AHNAK: variants seen among roughly 807,000 people sequenced by gnomAD.
AHNAK encodes the protein AHNAK nucleoprotein, also known as neuroblast differentiation-associated protein AHNAK.
A neutral mutation model predicts 37.8 loss-of-function variants in AHNAK; 23 were observed. That is an observed-to-expected ratio of 0.61 (90% CI 0.44 to 0.86). The LOEUF (loss-of-function observed/expected upper bound fraction) is 0.86, where lower values mean the gene tolerates loss of function less well. Ranked by LOEUF, AHNAK falls within the 40% of genes least tolerant of loss-of-function variation. The probability of loss-of-function intolerance (pLI) is 0.00; values close to 1 mark genes in which losing one functional copy is unlikely to be tolerated. For synonymous variants in AHNAK, 2,481 were observed against 2,636.3 expected (o/e 0.94, Z 1.80); for missense variants, 7,411 against 7,319.4 (o/e 1.01, Z -0.46).
At position 62,519,748 on chromosome 11, in the gene AHNAK, A is replaced by G. The variant is rs1412345804; in HGVS notation, c.14669T>C (p.Leu4890Pro). 1 of 1,613,214 alleles carries G rather than the reference A, an allele frequency of 6.2e-7. No homozygotes were observed. Among genetic ancestry groups the G allele is most frequent in the Admixed American group, 1.7e-5 (1 of 59,836 alleles). ...TTTGGCATCAGGGCCTTCGAAATCC[A>G]GACGTGGACCTTTAAGATCTACTTC... is the stretch of plus-strand genomic sequence containing the variant. ...GPEVDLKGPR[L>P]DFEGPDAKLS... The change falls in exon 5 of 5, where the codon CTG becomes CCG. Residue 4890 changes from leucine (L) to proline (P), a missense_variant. Transcript: ENST00000378024.
At position 62,455,358 on chromosome 11, in the gene AHNAK, G is replaced by A. The variant is rs563143929; in HGVS notation, c.443-21467C>T. On this transcript the variant is annotated intron_variant, in intron 5 of 5. Transcript: ENST00000257247. ...CATGAAGGCTGGGCTGACTGGCAGC[G>A]CAGTGCTGGCTCCCCCATTTTGCCT... Among the ~76,000 whole-genome samples, 36 of 152,188 alleles carry A rather than the reference G, an allele frequency of 2.4e-4. No individual in the cohort carries two copies. In the South Asian group the frequency reaches 4.4e-3, roughly 18 times the overall value.
intron 5 of AHNAK, among the ~76,000 whole-genome samples, chr11:62,445,774 T>C (rs889223210): frequency 6.7e-6 from 1 of 148,214 alleles, no homozygotes; most frequent in Admixed American, 6.8e-5. Context: ...TCCAGCACTT[T>C]GGGAGGCTGA....
At chr11:62,468,468 A>G (rs535262973) in intron 5 of AHNAK, among the ~76,000 whole-genome samples, 1 of 152,240 alleles carries the variant, frequency 6.6e-6, no homozygotes, top group Non-Finnish European at 1.5e-5. Flanking sequence ...ACAGGTTGCT[A>G]AATAAAATTA....
chr11:62,463,743 GGTTT>G (rs764492889), intron 5 of AHNAK, among the ~76,000 whole-genome samples: 166 of 151,794 alleles, frequency 1.1e-3, no homozygotes, highest in Non-Finnish European at 1.6e-3. Context: ...TTGGTTGGTT[GGTTT>G]GTTTTGGGTT....
intron 5 of AHNAK, among the ~76,000 whole-genome samples, chr11:62,454,111 A>AG (rs1185424820): frequency 6.7e-6 from 1 of 149,644 alleles, no homozygotes; most frequent in Non-Finnish European, 1.5e-5. Flanking sequence ...TGTCTCAAAA[A>AG]AAAAAAAAAG....
At chr11:62,460,429 G>C (rs1938758192) in intron 5 of AHNAK, among the ~76,000 whole-genome samples, 1 of 152,162 alleles carries the variant, frequency 6.6e-6, no homozygotes, top group African/African-American at 2.4e-5. Context: ...AAAATTGGAA[G>C]CCTTCAGCCT....
At chr11:62,513,546 A>T (rs1189471666), downstream of AHNAK, among the ~76,000 whole-genome samples, 4 of 152,098 alleles carry the variant, frequency 2.6e-5, no homozygotes, top group Admixed American at 1.3e-4. Flanking sequence ...AAAAATAAAA[A>T]AAAAAAAAGA....
intron 1 of AHNAK, among the ~76,000 whole-genome samples, chr11:62,544,136 G>C (rs944328806): frequency 6.6e-6 from 1 of 151,994 alleles, no homozygotes; most frequent in African/African-American, 2.4e-5. Context: ...ATTCCAAGTC[G>C]AGCAAAAGAA....
At chr11:62,515,479 T>C (rs1406269099), downstream of AHNAK, among the ~76,000 whole-genome samples, 1 of 152,234 alleles carries the variant, frequency 6.6e-6, no homozygotes, top group African/African-American at 2.4e-5. Context: ...ATTGTGCCAC[T>C]GCACTCCAGC....
At position 62,457,908 on chromosome 11, in the gene AHNAK, ATT is replaced by A. The variant is rs373610508; in HGVS notation, c.443-24019_443-24018del. On this transcript the variant is annotated intron_variant, in intron 5 of 5. Coordinates refer to the AHNAK transcript ENST00000257247. ...CCTCTGTATCTAAAAGAGAAGCTGAATTTTTTTTTTTTTTTTTTTTTTGAGAT... is the reference window on the plus strand; with the variant it reads ...CCTCTGTATCTAAAAGAGAAGCTGAATTTTTTTTTTTTTTTTTTTTGAGAT... Among the ~76,000 whole-genome samples, 675 of 123,422 alleles carry A rather than the reference ATT, an allele frequency of 5.5e-3. 5 individuals carry two copies. The highest frequency in any genetic ancestry group is 0.018 in the African/African-American group (591 of 32,328). The allele number at this position is 123,422 out of a possible 152,430, so 81.0% of individuals were successfully genotyped here.
intron 5 of AHNAK, among the ~76,000 whole-genome samples, chr11:62,485,750 T>C (rs112881721): frequency 0.1 from 14,827 of 144,954 alleles, 2,133 homozygotes; most frequent in African/African-American, 0.33. Flanking sequence ...GAGTGGTGGC[T>C]CATGCCTGTA....
chr11:62,443,558 C>T (rs1938359013), intron 5 of AHNAK, among the ~76,000 whole-genome samples: 1 of 152,162 alleles, frequency 6.6e-6, no homozygotes. Flanking sequence ...AGGCTTGAGC[C>T]ACCGCGCCCG....
At position 62,524,434 on chromosome 11, in the gene AHNAK, T is replaced by C; in HGVS notation, c.9983A>G (p.Asp3328Gly). 1.2e-6 allele frequency: 2 copies of C among 1,613,828 alleles called. No homozygotes were observed. The highest frequency in any genetic ancestry group is 1.7e-6 in the Non-Finnish European group (2 of 1,179,944). Reference sequence around the variant, plus strand: ...AACGTCCACTTCTGGGCCCTTTATATCCAAACTGGGAGCTTTAATGTCACC... The same window carrying C: ...AACGTCCACTTCTGGGCCCTTTATACCCAAACTGGGAGCTTTAATGTCACC... ...LEGDIKAPSL[D>G]IKGPEVDVSG... is the part of the protein sequence containing the mutation. The change falls in exon 5 of 5, where the codon GAT becomes GGT. Residue 3328 changes from aspartate (D) to glycine (G), a missense_variant. Coordinates refer to ENST00000378024, the MANE Select transcript of AHNAK (RefSeq NM_001620.3).
Position 62,526,985 on chromosome 11 carries a change from C to T in AHNAK, c.7432G>A (p.Val2478Ile). The change falls in exon 5 of 5, where the codon GTA (valine) becomes ATA (isoleucine). Residue 2478 changes from valine (V) to isoleucine (I), a missense_variant. Transcript: ENST00000378024. ...TCTGGTACTTCAAGTTTACCTTCTA[C>T]CTCAGGCACAGACACATCCACATCC... ...KGDVDVSVPE[V>I]EGKLEVPDMN... 6.2e-7 allele frequency: 1 copy of T among 1,613,974 alleles called. No individual in the cohort carries two copies. The highest frequency in any genetic ancestry group is 1.1e-5 in the South Asian group (1 of 91,062).
At chr11:62,511,244 T>G (rs368816324), downstream of AHNAK, among the ~76,000 whole-genome samples, 56 of 151,846 alleles carry the variant, frequency 3.7e-4, no homozygotes, top group East Asian at 7.5e-3. Flanking sequence ...GTTTTTTGTT[T>G]TTTTTTTTTT....
chr11:62,472,286 C>T (rs1217873673), intron 5 of AHNAK, among the ~76,000 whole-genome samples: 1 of 152,130 alleles, frequency 6.6e-6, no homozygotes, highest in Non-Finnish European at 1.5e-5. Context: ...CAGCCAGACA[C>T]CCACCTGACC....
At chr11:62,458,742 G>A (rs536751036) in intron 5 of AHNAK, among the ~76,000 whole-genome samples, 3 of 152,162 alleles carry the variant, frequency 2.0e-5, no homozygotes, top group African/African-American at 4.8e-5. Flanking sequence ...AGCTGGTTCT[G>A]TTTCCTCAAG....
intron 1 of AHNAK, chr11:62,537,577 T>C (rs1940990266): frequency 6.6e-6 from 1 of 152,098 alleles, no homozygotes; most frequent in Non-Finnish European, 1.5e-5. Flanking sequence ...AAGAGGGAGA[T>C]GTTACTGTGC....
intron 3 of AHNAK, among the ~76,000 whole-genome samples, 170 bp from the exon 4 acceptor site, chr11:62,535,360 T>C (rs1032633061): frequency 1.2e-4 from 18 of 151,944 alleles, no homozygotes; most frequent in African/African-American, 1.5e-4. Flanking sequence ...AAAGGCCAAT[T>C]TGTGGGGGCC....
Sources: allele counts gnomAD v4.1 joint callset (sites outside exome capture counted in the v4.1 genomes callset), GRCh38; gene constraint gnomAD v4.1.1; transcripts MANE v1.5; gene names NCBI Gene and HGNC (gene_info 2026-07-23, HGNC 2026-07-21).